Variants in DENND1A observed in about 807,000 individuals in gnomAD.
DENND1A encodes DENN domain-containing protein 1A.
In DENND1A, 51 loss-of-function variants were observed where a neutral mutation model predicts 113.7. That is an observed-to-expected ratio of 0.45 (90% CI 0.36 to 0.57). The LOEUF (loss-of-function observed/expected upper bound fraction) is 0.57, where lower values mean the gene tolerates loss of function less well. Ranked by LOEUF, DENND1A falls within the 20% of genes least tolerant of loss-of-function variation. DENND1A has a pLI of 0.00. For synonymous variants in DENND1A, 565 were observed against 570.8 expected (o/e 0.99, Z 0.14); for missense variants, 1,258 against 1,395.9 (o/e 0.90, Z 1.57).
intron 21 of DENND1A, among the ~76,000 whole-genome samples, chr9:123,394,550 C>T (rs1219178659): frequency 6.6e-6 from 1 of 152,246 alleles, no homozygotes; most frequent in African/African-American, 2.4e-5. Context: ...TTGGCTTCTT[C>T]AGCCTTTATT....
At chr9:123,785,573 T>C (rs997589848) in intron 3 of DENND1A, among the ~76,000 whole-genome samples, 7 of 152,136 alleles carry the variant, frequency 4.6e-5, no homozygotes, top group South Asian at 2.1e-4. Context: ...TTTAAACATA[T>C]ACAAAAGAAG....
At chr9:123,897,501 C>T (rs1053694645) in intron 1 of DENND1A, among the ~76,000 whole-genome samples, 2 of 152,176 alleles carry the variant, frequency 1.3e-5, no homozygotes, top group Admixed American at 6.5e-5. Context: ...CTACTCTGTC[C>T]TCTCACTGCG....
chr9:123,835,374 A>G (rs1448482003), intron 2 of DENND1A, among the ~76,000 whole-genome samples: 1 of 152,152 alleles, frequency 6.6e-6, no homozygotes, highest in Non-Finnish European at 1.5e-5. Context: ...ATTTTCACAA[A>G]CACATATGGC....
At chr9:123,802,074 G>A (rs966017841) in intron 2 of DENND1A, among the ~76,000 whole-genome samples, 1 of 152,096 alleles carries the variant, frequency 6.6e-6, no homozygotes, top group African/African-American at 2.4e-5. Context: ...AGCAAAACTG[G>A]CACACTCACG....
chr9:123,465,419 G>A (rs1588665279), intron 13 of DENND1A, among the ~76,000 whole-genome samples: 1 of 151,442 alleles, frequency 6.6e-6, no homozygotes, highest in Admixed American at 6.6e-5. Flanking sequence ...AATGTGGCTT[G>A]GGTGGAAAGA....
At chr9:123,651,520 T>C (rs2062656406) in intron 9 of DENND1A, among the ~76,000 whole-genome samples, 1 of 152,258 alleles carries the variant, frequency 6.6e-6, no homozygotes, top group Non-Finnish European at 1.5e-5. Flanking sequence ...TGCAAAGCAA[T>C]TTGGCAGTCC....
chr9:123,383,991 T>C (rs1303324230), intron 22 of DENND1A, 78 bp from the exon 23 acceptor site: 4 of 1,534,746 alleles, frequency 2.6e-6, no homozygotes, highest in Middle Eastern at 1.8e-4. Flanking sequence ...CCCAAGCACA[T>C]TGAGGGCTTG....
chr9:123,739,011 C>T (rs1022113217), intron 5 of DENND1A, among the ~76,000 whole-genome samples: 17 of 152,172 alleles, frequency 1.1e-4, no homozygotes, highest in African/African-American at 2.7e-4. Context: ...AAAAACCTTT[C>T]GTGTGGCTTT....
intron 11 of DENND1A, among the ~76,000 whole-genome samples, chr9:123,600,502 T>G (rs756714107): frequency 6.6e-6 from 1 of 152,208 alleles, no homozygotes; most frequent in Non-Finnish European, 1.5e-5. Context: ...CAAAGTGGCA[T>G]GCACATTAGT....
At chr9:123,854,066 C>G (rs1360918140) in intron 2 of DENND1A, among the ~76,000 whole-genome samples, 3 of 152,128 alleles carry the variant, frequency 2.0e-5, no homozygotes, top group Non-Finnish European at 4.4e-5. Flanking sequence ...AAAAGAGAAA[C>G]CGTGGGTGAA....
At position 123,440,506 on chromosome 9, in the gene DENND1A, A is replaced by T; in HGVS notation, c.1357-15T>A. The T allele has an allele frequency of 6.5e-7, 1 of 1,542,220 alleles. No homozygotes were observed. The highest frequency in any genetic ancestry group is 2.4e-5 in the Admixed American group (1 of 41,868). ...TCGGCAATGTCCTGTAGGGAGAAGG[A>T]TAGTCAGCGGTTGGCACTGGGGTTC... On this transcript the variant is annotated splice_polypyrimidine_tract_variant and intron_variant, in intron 18 of 23. Coordinates refer to ENST00000394215, the MANE Select transcript of DENND1A (RefSeq NM_001352964.2).
intron 5 of DENND1A, among the ~76,000 whole-genome samples, chr9:123,691,688 A>G (rs894434828): frequency 6.6e-6 from 1 of 151,924 alleles, no homozygotes; most frequent in Non-Finnish European, 1.5e-5. Context: ...AAATCAAAGA[A>G]GGGTTTCAAG....
chr9:123,882,159 ACT>A (rs1848403554), intron 1 of DENND1A, among the ~76,000 whole-genome samples: 4 of 151,894 alleles, frequency 2.6e-5, no homozygotes, highest in Non-Finnish European at 5.9e-5. Flanking sequence ...CAACCTGACT[ACT>A]TCTTCCCTGA....
chr9:123,767,427 C>T (rs1828998605), intron 4 of DENND1A, among the ~76,000 whole-genome samples: 1 of 151,226 alleles, frequency 6.6e-6, no homozygotes, highest in Admixed American at 6.6e-5. Flanking sequence ...AAAAAAGGAA[C>T]ATGATTAGGG....
chr9:123,572,498 CT>C (rs1352855848), intron 12 of DENND1A, among the ~76,000 whole-genome samples: 1 of 152,036 alleles, frequency 6.6e-6, no homozygotes, highest in Non-Finnish European at 1.5e-5. Context: ...GAAATTCAGC[CT>C]TTTTATTTTA....
chr9:123,564,959 T>A (rs1313216841), intron 12 of DENND1A, among the ~76,000 whole-genome samples: 2 of 148,262 alleles, frequency 1.3e-5, no homozygotes, highest in African/African-American at 2.5e-5. Flanking sequence ...TCTGCAAGAA[T>A]CCAATTAATG....
intron 10 of DENND1A, among the ~76,000 whole-genome samples, chr9:123,626,046 T>C (rs141444196): frequency 3.3e-5 from 5 of 151,830 alleles, no homozygotes; most frequent in Admixed American, 2.0e-4. Context: ...TGTGTGCCAC[T>C]ATGGCTGGGT....
At chr9:123,918,990 A>T (rs1855734976) in intron 1 of DENND1A, among the ~76,000 whole-genome samples, 1 of 152,156 alleles carries the variant, frequency 6.6e-6, no homozygotes, top group Non-Finnish European at 1.5e-5. Flanking sequence ...AACAAACCTT[A>T]AGGATGCAAC....
At chr9:123,492,380 CCA>C (rs143820693) in intron 13 of DENND1A, among the ~76,000 whole-genome samples, 1 of 152,272 alleles carries the variant, frequency 6.6e-6, no homozygotes, top group East Asian at 1.9e-4. Flanking sequence ...GCTGGGCAGA[CCA>C]CAGAGGGTGT....
Sources: allele counts gnomAD v4.1 joint callset (sites outside exome capture counted in the v4.1 genomes callset), GRCh38; gene constraint gnomAD v4.1.1; transcripts MANE v1.5; gene names NCBI Gene and HGNC (gene_info 2026-07-23, HGNC 2026-07-21).